NUDT12: variants seen among roughly 807,000 people sequenced by gnomAD.
NUDT12 encodes nudix hydrolase 12.
Under a neutral mutation model 45.7 loss-of-function variants are expected in NUDT12, and 42 were observed. The observed-to-expected ratio is 0.92, with a 90% CI of 0.72 to 1.19. The LOEUF is 1.19. Ranked by LOEUF, NUDT12 falls within the 50% of genes most tolerant of loss-of-function variation. The probability of loss-of-function intolerance (pLI) is 0.00; values close to 1 mark genes in which losing one functional copy is unlikely to be tolerated. For missense variants in NUDT12, 590 were observed against 533.1 expected (o/e 1.11, Z -1.05); for synonymous variants, 206 against 179.7 (o/e 1.15, Z -1.17).
chr5:103,559,957 T>TGGAA (rs752510129), intron 2 of NUDT12, 86 bp downstream of exon 2: 20 of 911,900 alleles, frequency 2.2e-5, no homozygotes, highest in Non-Finnish European at 3.0e-5. Flanking sequence ...AATATAAATA[T>TGGAA]GGAAACAAGC....
chr5:103,553,536 T>C (rs919396909), intron 5 of NUDT12, among the ~76,000 whole-genome samples: 11 of 152,040 alleles, frequency 7.2e-5, no homozygotes, highest in East Asian at 1.9e-4. Context: ...GAAGTGTAAA[T>C]TGGCAGAAAC....
chr5:103,551,932 A>G (rs571099765), intron 6 of NUDT12, among the ~76,000 whole-genome samples: 2 of 152,284 alleles, frequency 1.3e-5, no homozygotes, highest in Admixed American at 6.5e-5. Context: ...ATGTTTTTCT[A>G]AACCCACTGA....
At chr5:103,555,282 A>G (rs1473483942) in intron 4 of NUDT12, among the ~76,000 whole-genome samples, 5 of 152,102 alleles carry the variant, frequency 3.3e-5, no homozygotes, top group Non-Finnish European at 7.4e-5. Context: ...TGATTCTATG[A>G]TTAAAGTCAT....
intron 6 of NUDT12, 111 bp from the exon 7 acceptor site, chr5:103,551,082 C>A: frequency 1.4e-6 from 1 of 728,966 alleles, no homozygotes; most frequent in Non-Finnish European, 2.3e-6. Context: ...CAGTGAATAA[C>A]AACAGTAGAA....
chr5:103,560,959 T>C (rs1749015201), intron 1 of NUDT12, among the ~76,000 whole-genome samples: 1 of 152,114 alleles, frequency 6.6e-6, no homozygotes, highest in African/African-American at 2.4e-5. Context: ...TGTCACCTTT[T>C]TGTTTCGGTG....
chr5:103,553,306 CAATG>C (rs1402877307), intron 5 of NUDT12, among the ~76,000 whole-genome samples: 1 of 151,756 alleles, frequency 6.6e-6, no homozygotes, highest in African/African-American at 2.4e-5. Context: ...AAAGGATAAA[CAATG>C]AAAACAAAAC....
intron 3 of NUDT12, among the ~76,000 whole-genome samples, chr5:103,556,333 CATCT>C (rs1748820343): frequency 6.6e-6 from 1 of 151,954 alleles, no homozygotes; most frequent in African/African-American, 2.4e-5. Context: ...GACATACTGA[CATCT>C]ATCTTACATC....
intron 6 of NUDT12, 71 bp from the exon 7 acceptor site, chr5:103,551,042 C>A: frequency 1.9e-6 from 2 of 1,036,960 alleles, no homozygotes; most frequent in South Asian, 1.4e-5. Context: ...CCCATGTTTA[C>A]ATAATTCAAT....
At position 103,558,924 on chromosome 5, in the gene NUDT12, GAAGA is replaced by G. The variant is rs1358237007; in HGVS notation, c.747_750del (p.Leu250IlefsTer10). The stretch of plus-strand genomic sequence containing the variant: ...TGCAGAAGGGCTGGCATAGGAGGAT[GAAGA>G]AAGTAACAATTTTCATGTCTTTGCT... On this transcript the variant is annotated frameshift_variant, in exon 3 of 7. Coordinates refer to ENST00000230792, the MANE Select transcript of NUDT12 (RefSeq NM_031438.4). LOFTEE classifies it high-confidence loss of function. 2 of 1,608,188 alleles carry G rather than the reference GAAGA, an allele frequency of 1.2e-6. No individual in the cohort carries two copies. Among genetic ancestry groups the G allele is most frequent in the Non-Finnish European group, 8.5e-7 (1 of 1,177,720 alleles).
chr5:103,553,950 T>C (rs1748732476), intron 5 of NUDT12, among the ~76,000 whole-genome samples: 1 of 151,980 alleles, frequency 6.6e-6, no homozygotes, highest in African/African-American at 2.4e-5. Context: ...ATCACTGTAA[T>C]AGTGTATTTT....
rs775669556 is a variant in NUDT12, at chr5:103,560,204, C to T, written c.45G>A (p.Gln15=). 1 of 1,613,882 alleles carries T rather than the reference C, an allele frequency of 6.2e-7. No homozygotes were observed. Among genetic ancestry groups the T allele is most frequent in the Non-Finnish European group, 8.5e-7 (1 of 1,179,790 alleles). The change falls in exon 2 of 7, where the codon CAG becomes CAA. Residue 15 remains glutamine (Q), a synonymous_variant. Coordinates refer to ENST00000230792, the MANE Select transcript of NUDT12 (RefSeq NM_031438.4). ...KRSLKQEIVT[Q]FHCSAAEGDI... ...CTCCTTCAGCAGCTGAACAGTGAAA[C>T]TGAGTAACTATTTCTTGCTTCAGAC...
intron 6 of NUDT12, 130 bp from the exon 7 acceptor site, chr5:103,551,101 C>T (rs1425606552): frequency 4.9e-5 from 31 of 635,492 alleles, no homozygotes; most frequent in Non-Finnish European, 8.0e-5. Context: ...AAAGTGACAA[C>T]ATCCATATTT....
chr5:103,557,121 A>G (rs1748846844), intron 3 of NUDT12, among the ~76,000 whole-genome samples: 1 of 151,554 alleles, frequency 6.6e-6, no homozygotes, highest in Non-Finnish European at 1.5e-5. Flanking sequence ...AAGAAGATAG[A>G]TACTATTATT....
At chr5:103,561,741 G>C (rs1580700214) in intron 1 of NUDT12, among the ~76,000 whole-genome samples, 1 of 152,242 alleles carries the variant, frequency 6.6e-6, no homozygotes, top group African/African-American at 2.4e-5. Context: ...TTTTCAGCTA[G>C]GTTTAGTTTG....
At chr5:103,557,280 GATATATATATATAT>G (rs10593905) in intron 3 of NUDT12, among the ~76,000 whole-genome samples, 6 of 118,934 alleles carry the variant, frequency 5.0e-5, no homozygotes, top group South Asian at 6.4e-4. Flanking sequence ...ATCTTAAAAT[GATATATATATATAT>G]ATATATATAT....
chr5:103,550,822 A>C lies in NUDT12; in HGVS notation c.*39T>G. ...TATCACTTGAGGAATGAGTGTTATT[A>C]GAAATTATTAAATAATACTCAAAGC... On this transcript the variant is annotated 3_prime_UTR_variant, in exon 7 of 7. Transcript: ENST00000230792. 1 of 1,379,096 alleles carries C rather than the reference A, an allele frequency of 7.3e-7. No homozygotes were observed. The allele number at this position is 1,379,096 out of a possible 1,614,324, so 85.4% of individuals were successfully genotyped here. A position where few individuals can be genotyped will look rare whatever the true frequency, so the allele number is the denominator to read the frequency against.
At chr5:103,551,844 T>C (rs996489136) in intron 6 of NUDT12, among the ~76,000 whole-genome samples, 1 of 152,204 alleles carries the variant, frequency 6.6e-6, no homozygotes, top group African/African-American at 2.4e-5. Flanking sequence ...CTGATGTTTT[T>C]TGAGAGCTAC....
chr5:103,556,139 GA>G, intron 3 of NUDT12, 41 bp from the exon 4 acceptor site: 1 of 1,420,198 alleles, frequency 7.0e-7, no homozygotes. Flanking sequence ...AATTCTGTAA[GA>G]AATTAAAATC....
chr5:103,553,040 A>G (rs1748706621), intron 5 of NUDT12, among the ~76,000 whole-genome samples: 1 of 152,134 alleles, frequency 6.6e-6, no homozygotes, highest in Non-Finnish European at 1.5e-5. Context: ...GTTTCTAAGT[A>G]AAATCATTTC....
Sources: allele counts gnomAD v4.1 joint callset (sites outside exome capture counted in the v4.1 genomes callset), GRCh38; gene constraint gnomAD v4.1.1; transcripts MANE v1.5; gene names NCBI Gene and HGNC (gene_info 2026-07-23, HGNC 2026-07-21).